The following EPM2A variants were observed in gnomAD, a reference collection of about 807,000 sequenced individuals.
EPM2A encodes laforin.
EPM2A carries 21 observed loss-of-function variants against 26.5 expected under a neutral mutation model. The observed-to-expected ratio is 0.79, with a 90% confidence interval of 0.56 to 1.14. EPM2A has a LOEUF of 1.14. Ranked by LOEUF, EPM2A falls within the 50% of genes most tolerant of loss-of-function variation. EPM2A has a pLI of 0.00. For missense variants in EPM2A, 458 were observed against 440.8 expected, an observed-to-expected ratio of 1.04 and a Z score of -0.35; for synonymous variants, 217 against 177.6, an observed-to-expected ratio of 1.22 and a Z score of -1.76.
intron 4 of EPM2A, among the ~76,000 whole-genome samples, chr6:145,447,821 T>C (rs1480231983): frequency 2.6e-5 from 4 of 152,124 alleles, no homozygotes; most frequent in Non-Finnish European, 4.4e-5. Flanking sequence ...GGAATAATTA[T>C]TCAATGAATA....
chr6:145,510,508 A>G (rs1027007465), intron 2 of EPM2A, among the ~76,000 whole-genome samples: 4 of 152,180 alleles, frequency 2.6e-5, no homozygotes, highest in African/African-American at 7.2e-5. Flanking sequence ...TAAGCAATAA[A>G]ATTAAGGCAG....
chr6:145,600,327 T>G (rs1285378737), intron 2 of EPM2A, among the ~76,000 whole-genome samples: 1 of 152,188 alleles, frequency 6.6e-6, no homozygotes, highest in Non-Finnish European at 1.5e-5. Context: ...TAGTTCTCTC[T>G]TATTTCCAAC....
At chr6:145,476,134 A>G (rs1186452590) in intron 4 of EPM2A, among the ~76,000 whole-genome samples, 1 of 152,154 alleles carries the variant, frequency 6.6e-6, no homozygotes, top group Non-Finnish European at 1.5e-5. Flanking sequence ...CTCATATAAG[A>G]CAAAATAGAT....
intron 2 of EPM2A, among the ~76,000 whole-genome samples, chr6:145,586,461 G>T (rs1416786670): frequency 2.6e-5 from 4 of 152,128 alleles, no homozygotes; most frequent in Admixed American, 6.5e-5. Flanking sequence ...AGGTTTAATA[G>T]CAGGATACTG....
At chr6:145,406,626 C>T (rs1778573112) in intron 4 of EPM2A, among the ~76,000 whole-genome samples, 1 of 152,136 alleles carries the variant, frequency 6.6e-6, no homozygotes, top group South Asian at 2.1e-4. Context: ...GTGGTGTGAA[C>T]ACAGTGTAAA....
intron 2 of EPM2A, among the ~76,000 whole-genome samples, chr6:145,536,276 T>TGTTTTG (rs1367282018): frequency 2.1e-5 from 1 of 48,040 alleles, no homozygotes; most frequent in African/African-American, 7.1e-5. Context: ...TTTTTGTTTT[T>TGTTTTG]GTTTTGGTTT....
At chr6:145,408,219 C>T (rs1279700053) in intron 4 of EPM2A, among the ~76,000 whole-genome samples, 5 of 152,106 alleles carry the variant, frequency 3.3e-5, no homozygotes, top group Non-Finnish European at 7.4e-5. Context: ...GAGGCATTTT[C>T]TATTGTCCAC....
intron 2 of EPM2A, among the ~76,000 whole-genome samples, chr6:145,656,460 A>G (rs992068068): frequency 6.6e-6 from 1 of 152,216 alleles, no homozygotes; most frequent in Non-Finnish European, 1.5e-5. Flanking sequence ...AAACTAACAT[A>G]TAGTCTTTCT....
intron 2 of EPM2A, among the ~76,000 whole-genome samples, chr6:145,519,395 C>T (rs1168817547): frequency 1.3e-5 from 2 of 152,068 alleles, no homozygotes; most frequent in Non-Finnish European, 2.9e-5. Flanking sequence ...TGATTAAATG[C>T]CCCTGAGATA....
In EPM2A at chr6:145,535,724, G is replaced by A. The variant is rs183846101; in HGVS notation, c.341-33149C>T. On this transcript the variant is annotated intron_variant, in intron 2 of 3. Coordinates refer to the EPM2A transcript ENST00000450221. ...CAGTTAGAAGTTCTTAATCACAATTGTGTCATGTCTATAGTAATTTTGGGT... is the reference window on the plus strand; with the variant it reads ...CAGTTAGAAGTTCTTAATCACAATTATGTCATGTCTATAGTAATTTTGGGT... Among the ~76,000 whole-genome samples the A allele has an allele frequency of 3.7e-4, 57 of 152,374 alleles. 1 individual carries two copies. The highest frequency in any genetic ancestry group is 3.1e-3 in the Admixed American group (48 of 15,308).
At chr6:145,595,461 A>G (rs1781329880) in intron 2 of EPM2A, among the ~76,000 whole-genome samples, 1 of 146,200 alleles carries the variant, frequency 6.8e-6, no homozygotes, top group Non-Finnish European at 1.5e-5. Context: ...CTTTTAATTT[A>G]ATCAAATTCT....
At chr6:145,594,222 G>A (rs1781310446) in intron 2 of EPM2A, among the ~76,000 whole-genome samples, 2 of 151,540 alleles carry the variant, frequency 1.3e-5, no homozygotes, top group African/African-American at 4.8e-5. Context: ...AGGAGAAATG[G>A]ATATTCTGAA....
At chr6:145,584,407 C>G (rs1232661163) in intron 2 of EPM2A, among the ~76,000 whole-genome samples, 1 of 152,122 alleles carries the variant, frequency 6.6e-6, no homozygotes, top group Non-Finnish European at 1.5e-5. Flanking sequence ...TGGAACTGGC[C>G]CCATCCCACA....
chr6:145,551,861 CTT>C lies in EPM2A; in HGVS notation c.341-49288_341-49287del, dbSNP rs11322536. Among the ~76,000 whole-genome samples, 400 of 145,656 alleles carry C rather than the reference CTT, an allele frequency of 2.7e-3. 6 individuals carry two copies. The highest frequency in any genetic ancestry group is 9.4e-3 in the African/African-American group (377 of 40,144). Reference sequence around the variant, plus strand: ...AAACATTACGTTTTATGTACTTAAACTTTTTTTTTTTTGTAAAAGAAACTTGG... The same window carrying C: ...AAACATTACGTTTTATGTACTTAAACTTTTTTTTTTGTAAAAGAAACTTGG... On this transcript the variant is annotated intron_variant, in intron 2 of 3. Transcript: ENST00000450221.
At position 145,632,957 on chromosome 6, in the gene EPM2A, G is replaced by T. The variant is rs1050206194; in HGVS notation, c.718+2288C>A. Among the ~76,000 whole-genome samples, 5 of 152,192 alleles carry T rather than the reference G, an allele frequency of 3.3e-5. 1 individual carries two copies. The highest frequency in any genetic ancestry group is 7.3e-5 in the Non-Finnish European group (5 of 68,036). On this transcript the variant is annotated intron_variant, in intron 3 of 3. Transcript: ENST00000367519. The stretch of plus-strand genomic sequence containing the variant: ...TGCATTTTGCAGCTCAAATGCCACT[G>T]CACTGTCTCAGCCTGAAAGAAGCTA...
At chr6:145,397,999 A>ATTTAGT (rs1778429215) in intron 4 of EPM2A, among the ~76,000 whole-genome samples, 1 of 152,182 alleles carries the variant, frequency 6.6e-6, no homozygotes, top group Admixed American at 6.6e-5. Flanking sequence ...GAATTTTCAC[A>ATTTAGT]GTTATCATTT....
chr6:145,399,720 G>A (rs1292892606), intron 4 of EPM2A, among the ~76,000 whole-genome samples: 1 of 152,110 alleles, frequency 6.6e-6, no homozygotes, highest in African/African-American at 2.4e-5. Context: ...CTGTACAATG[G>A]CTCATACCTC....
chr6:145,432,857 C>T (rs1447454443), intron 4 of EPM2A, among the ~76,000 whole-genome samples: 1 of 152,194 alleles, frequency 6.6e-6, no homozygotes, highest in Non-Finnish European at 1.5e-5. Context: ...CTTCTGGAAA[C>T]TTGCTGCAGC....
chr6:145,478,109 A>C (rs1779564498), intron 4 of EPM2A, among the ~76,000 whole-genome samples: 1 of 152,018 alleles, frequency 6.6e-6, no homozygotes, highest in Non-Finnish European at 1.5e-5. Context: ...ACATACAAAA[A>C]TCAGTAGCAT....
Sources: allele counts gnomAD v4.1 joint callset (sites outside exome capture counted in the v4.1 genomes callset), GRCh38; gene constraint gnomAD v4.1.1; transcripts MANE v1.5; gene names NCBI Gene and HGNC (gene_info 2026-07-23, HGNC 2026-07-21).